Variants in CHODL observed in about 807,000 individuals in gnomAD.
The protein encoded by CHODL is chondrolectin, also known as transmembrane protein MT75.
Under a neutral mutation model 34.5 loss-of-function variants are expected in CHODL, and 29 were observed. That is an observed-to-expected ratio of 0.84 (90% CI 0.63 to 1.15). CHODL has a LOEUF of 1.15. CHODL is among the 50% of genes most tolerant of loss of function. The probability of loss-of-function intolerance (pLI) is 0.00; values close to 1 mark genes in which losing one functional copy is unlikely to be tolerated. For missense variants in CHODL, 332 were observed against 332.5 expected (o/e 1.00, Z 0.01); for synonymous variants, 125 against 116.1 (o/e 1.08, Z -0.49).
At chr21:17,936,389 A>G (rs2063319323) in intron 1 of CHODL, among the ~76,000 whole-genome samples, 1 of 152,078 alleles carries the variant, frequency 6.6e-6, no homozygotes, top group Admixed American at 6.5e-5. Context: ...ACAAGTGTGG[A>G]AGGTAGATTT....
At chr21:18,204,909 C>T (rs73893028) in intron 2 of CHODL, among the ~76,000 whole-genome samples, 3,115 of 152,176 alleles carry the variant, frequency 0.02, 104 homozygotes, top group African/African-American at 0.069. Context: ...GGGATCATAA[C>T]GAGCCTGTAA....
At chr21:18,044,308 C>T (rs2064413908) in intron 2 of CHODL, among the ~76,000 whole-genome samples, 1 of 151,878 alleles carries the variant, frequency 6.6e-6, no homozygotes, top group Non-Finnish European at 1.5e-5. Context: ...TTAAAACTAA[C>T]ATTGAACAAT....
At chr21:18,051,252 C>T (rs535926186) in intron 2 of CHODL, among the ~76,000 whole-genome samples, 196 of 151,974 alleles carry the variant, frequency 1.3e-3, no homozygotes, top group Non-Finnish European at 2.5e-3. Context: ...CTGCAAAGGA[C>T]GTGAACTCAT....
chr21:18,180,563 A>G (rs2824688), intron 2 of CHODL, among the ~76,000 whole-genome samples: 56,278 of 152,124 alleles, frequency 0.37, 13,131 homozygotes, highest in East Asian at 0.8. Context: ...CTTACGGTAC[A>G]TTATTACGTA....
chr21:18,065,736 G>A (rs2064724124), intron 2 of CHODL, among the ~76,000 whole-genome samples: 1 of 152,066 alleles, frequency 6.6e-6, no homozygotes, highest in South Asian at 2.1e-4. Flanking sequence ...GTGCAGTATT[G>A]GAAACAAATT....
intron 1 of CHODL, among the ~76,000 whole-genome samples, chr21:18,026,930 G>A (rs750621627): frequency 7.2e-5 from 11 of 152,166 alleles, no homozygotes; most frequent in South Asian, 4.2e-4. Context: ...TAAAATTTGC[G>A]TCTTCTGTTT....
intron 2 of CHODL, among the ~76,000 whole-genome samples, chr21:18,237,436 GC>G (rs1279121196): frequency 1.3e-5 from 2 of 152,072 alleles, no homozygotes; most frequent in African/African-American, 4.8e-5. Flanking sequence ...CTCCCCCTTT[GC>G]AAGCCTGACA....
intron 1 of CHODL, among the ~76,000 whole-genome samples, chr21:17,960,842 C>A (rs1416923131): frequency 2.6e-5 from 4 of 152,200 alleles, no homozygotes; most frequent in Non-Finnish European, 5.9e-5. Context: ...AAGCTTTTCT[C>A]TACATGCCTC....
At chr21:18,254,925 A>G (rs995423735) in intron 1 of CHODL, among the ~76,000 whole-genome samples, 1 of 152,080 alleles carries the variant, frequency 6.6e-6, no homozygotes, top group Non-Finnish European at 1.5e-5. Flanking sequence ...AGATGTTATT[A>G]GAGCAGAATT....
chr21:18,257,368 T>A (rs2074330520), intron 3 of CHODL, among the ~76,000 whole-genome samples: 2 of 152,104 alleles, frequency 1.3e-5, no homozygotes, highest in South Asian at 4.1e-4. Flanking sequence ...TAAGAAAAAA[T>A]AATCATTTCT....
At chr21:18,178,536 A>T (rs1394664067) in intron 2 of CHODL, among the ~76,000 whole-genome samples, 1 of 152,232 alleles carries the variant, frequency 6.6e-6, no homozygotes, top group African/African-American at 2.4e-5. Context: ...TGATAACATA[A>T]ACTATTGATT....
upstream of CHODL, among the ~76,000 whole-genome samples, chr21:18,239,956 G>C (rs2074065878): frequency 6.6e-6 from 1 of 151,924 alleles, no homozygotes; most frequent in African/African-American, 2.4e-5. Flanking sequence ...GGGAGGAAGG[G>C]AAGAAAATAA....
intron 2 of CHODL, among the ~76,000 whole-genome samples, chr21:18,223,912 A>T (rs938669781): frequency 6.6e-6 from 1 of 152,220 alleles, no homozygotes; most frequent in Non-Finnish European, 1.5e-5. Flanking sequence ...GAATCATGAA[A>T]ATAAATGGAG....
chr21:18,249,025 A>T (rs1216703248), intron 1 of CHODL, among the ~76,000 whole-genome samples: 12 of 118,178 alleles, frequency 1.0e-4, no homozygotes, highest in African/African-American at 4.3e-4. Flanking sequence ...ATTATACATA[A>T]TATTAATATA....
intron 1 of CHODL, among the ~76,000 whole-genome samples, chr21:17,987,200 A>G (rs1281482173): frequency 1.3e-5 from 2 of 152,148 alleles, no homozygotes; most frequent in African/African-American, 4.8e-5. Context: ...ATCTCAGCCA[A>G]CAGGAGGCAG....
intron 1 of CHODL, among the ~76,000 whole-genome samples, chr21:17,948,844 C>T (rs942933604): frequency 6.6e-6 from 1 of 152,074 alleles, no homozygotes; most frequent in African/African-American, 2.4e-5. Flanking sequence ...GAGCTAATAC[C>T]AGTTCTAATC....
At chr21:18,088,442 T>C (rs1055088484) in intron 2 of CHODL, among the ~76,000 whole-genome samples, 22 of 152,294 alleles carry the variant, frequency 1.4e-4, no homozygotes, top group Admixed American at 5.2e-4. Context: ...CCCATGGGAT[T>C]CTCTGTGGGC....
intron 2 of CHODL, among the ~76,000 whole-genome samples, chr21:18,043,175 T>G (rs2064397469): frequency 6.6e-6 from 1 of 151,984 alleles, no homozygotes; most frequent in Non-Finnish European, 1.5e-5. Flanking sequence ...TGTATTGGCC[T>G]AGAATACCAG....
At chr21:18,144,751 T>C (rs1246019991) in intron 2 of CHODL, among the ~76,000 whole-genome samples, 1 of 151,920 alleles carries the variant, frequency 6.6e-6, no homozygotes, top group African/African-American at 2.4e-5. Context: ...TAAGAAGATT[T>C]TAAAATTTTT....
Sources: allele counts gnomAD v4.1 joint callset (sites outside exome capture counted in the v4.1 genomes callset), GRCh38; gene constraint gnomAD v4.1.1; transcripts MANE v1.5; gene names NCBI Gene and HGNC (gene_info 2026-07-23, HGNC 2026-07-21).